The following LHFPL7 variants were observed in gnomAD, a reference collection of about 807,000 sequenced individuals.
LHFPL7 encodes the protein LHFPL tetraspan subfamily member 7 protein.
the LHFPL7 span, chr22:24,939,593 G>A: frequency 2.9e-6 from 2 of 698,106 alleles, no homozygotes; most frequent in Non-Finnish European, 5.2e-6. Context: ...AGACTGCAGG[G>A]ACAAGGAGAG....
chr22:24,938,070 C>CTCATTCATTCATTCAT, the LHFPL7 span: 666 of 1,498,662 alleles, frequency 4.4e-4, 2 homozygotes, highest in South Asian at 3.2e-3. Flanking sequence ...TGCTCACAGA[C>CTCATTCATTCATTCAT]TCATTCATTC....
the LHFPL7 span, chr22:24,935,423 G>C: frequency 6.2e-7 from 1 of 1,614,078 alleles, no homozygotes; most frequent in South Asian, 1.1e-5. Flanking sequence ...TGTGGGGCCA[G>C]CTGATGATGG....
At chr22:24,939,345 A>C in the LHFPL7 span, 71 of 702,956 alleles carry the variant, frequency 1.0e-4, no homozygotes, top group African/African-American at 1.1e-3. Flanking sequence ...CTTCCAGGCA[A>C]AGTCAGGAAT....
chr22:24,935,478 C>T, the LHFPL7 span: 1 of 1,613,814 alleles, frequency 6.2e-7, no homozygotes, highest in East Asian at 2.2e-5. Flanking sequence ...AGTCATGTAA[C>T]CCCAACCCAG....
chr22:24,945,919 A>G, the LHFPL7 span, among the ~76,000 whole-genome samples: 1 of 152,256 alleles, frequency 6.6e-6, no homozygotes, highest in Admixed American at 6.5e-5. Flanking sequence ...CCTAGGACAA[A>G]TTATGTAACG....
chr22:24,942,892 AGTGTGTGTGTGT>A, the LHFPL7 span, among the ~76,000 whole-genome samples: 655 of 128,122 alleles, frequency 5.1e-3, 7 homozygotes, highest in East Asian at 0.053. Context: ...AAGGGGATAA[AGTGTGTGTGTGT>A]GTGTGTGTGT....
At chr22:24,935,647 A>T in the LHFPL7 span, 4 of 1,570,296 alleles carry the variant, frequency 2.5e-6, no homozygotes, top group African/African-American at 4.0e-5. Flanking sequence ...GTACCTCACT[A>T]ACTTTCCATC....
chr22:24,939,126 C>A, the LHFPL7 span, among the ~76,000 whole-genome samples: 2 of 151,960 alleles, frequency 1.3e-5, no homozygotes, highest in Non-Finnish European at 2.9e-5. Context: ...AACTTGGCAT[C>A]TTTGCAAAGT....
At chr22:24,946,023 A>C in the LHFPL7 span, among the ~76,000 whole-genome samples, 1 of 152,084 alleles carries the variant, frequency 6.6e-6, no homozygotes, top group African/African-American at 2.4e-5. Context: ...AAAACTATGG[A>C]TGTTGGCCAG....
At chr22:24,938,158 C>T in the LHFPL7 span, 15 of 1,613,996 alleles carry the variant, frequency 9.3e-6, no homozygotes, top group South Asian at 1.4e-4. Flanking sequence ...CCTGCCACTG[C>T]CTGCACCCCT....
chr22:24,944,799 C>CT, the LHFPL7 span, among the ~76,000 whole-genome samples: 5 of 151,356 alleles, frequency 3.3e-5, no homozygotes, highest in South Asian at 2.1e-4. Flanking sequence ...CCAGACTGGT[C>CT]TTTTTTTGTT....
At chr22:24,938,014 C>G in the LHFPL7 span, 1 of 1,334,928 alleles carries the variant, frequency 7.5e-7, no homozygotes, top group Admixed American at 2.7e-5. Flanking sequence ...GAATAGTCAA[C>G]AATCCTAGGG....
chr22:24,938,124 C>A, the LHFPL7 span: 1 of 1,611,766 alleles, frequency 6.2e-7, no homozygotes, highest in Non-Finnish European at 8.5e-7. Context: ...AGAGCACTGA[C>A]TATGTGCCTG....
At chr22:24,941,946 T>C in the LHFPL7 span, among the ~76,000 whole-genome samples, 1 of 151,898 alleles carries the variant, frequency 6.6e-6, no homozygotes, top group Non-Finnish European at 1.5e-5. Context: ...ATTACACGCG[T>C]GAGCCACTGC....
At chr22:24,940,666 C>CT in the LHFPL7 span, among the ~76,000 whole-genome samples, 1 of 131,056 alleles carries the variant, frequency 7.6e-6, no homozygotes, top group Admixed American at 7.7e-5. Flanking sequence ...TCCTTCCTTC[C>CT]TTCCTTCCCT....
the LHFPL7 span, among the ~76,000 whole-genome samples, chr22:24,943,265 T>C: frequency 2.0e-5 from 3 of 152,150 alleles, no homozygotes; most frequent in African/African-American, 7.2e-5. Flanking sequence ...TTTCTCACCT[T>C]GAAAGGAGTT....
the LHFPL7 span, among the ~76,000 whole-genome samples, chr22:24,940,487 T>C: frequency 6.6e-6 from 1 of 150,978 alleles, no homozygotes; most frequent in African/African-American, 2.4e-5. Flanking sequence ...TCCCAGCTAC[T>C]TGGGAGGCTG....
At chr22:24,935,158 T>C in the LHFPL7 span, 3 of 764,574 alleles carry the variant, frequency 3.9e-6, no homozygotes, top group African/African-American at 5.3e-5. Context: ...AACAACCTTA[T>C]GAGGTAGGTA....
chr22:24,941,727 G>A, the LHFPL7 span, among the ~76,000 whole-genome samples: 1 of 151,014 alleles, frequency 6.6e-6, no homozygotes, highest in African/African-American at 2.4e-5. Context: ...CTGGAGTACA[G>A]TGGCGCGATC....
Sources: allele counts gnomAD v4.1 joint callset (sites outside exome capture counted in the v4.1 genomes callset), GRCh38; gene constraint gnomAD v4.1.1; transcripts MANE v1.5; gene names NCBI Gene and HGNC (gene_info 2026-07-23, HGNC 2026-07-21).